TULP4: variants seen among roughly 807,000 people sequenced by gnomAD.
The protein encoded by TULP4 is TUB like protein 4.
A neutral mutation model predicts 129.0 loss-of-function variants in TULP4; 16 were observed. The observed-to-expected ratio is 0.12, with a 90% confidence interval of 0.08 to 0.19. The LOEUF is 0.19. TULP4 is among the 10% of genes least tolerant of loss of function. The probability of loss-of-function intolerance (pLI) is 1.00; values close to 1 mark genes in which losing one functional copy is unlikely to be tolerated. For missense variants in TULP4, 1,842 were observed against 2,059.1 expected (o/e 0.89, Z 2.04); for synonymous variants, 998 against 854.0 (o/e 1.17, Z -2.94).
intron 1 of TULP4, among the ~76,000 whole-genome samples, chr6:158,299,086 A>AGTTCTGGGT (rs945792637): frequency 6.6e-6 from 1 of 151,608 alleles, no homozygotes; most frequent in Non-Finnish European, 1.5e-5. Context: ...CAATTTCCAA[A>AGTTCTGGGT]GTTCTGGGTG....
chr6:158,275,562 A>G (rs1778630751), intron 1 of TULP4, among the ~76,000 whole-genome samples: 1 of 152,208 alleles, frequency 6.6e-6, no homozygotes, highest in Admixed American at 6.5e-5. Flanking sequence ...TGCCCATTCT[A>G]ACCCACGGCA....
In TULP4 at chr6:158,493,698, C is replaced by G. The variant is rs752381396; in HGVS notation, c.1757C>G (p.Pro586Arg). Residue 586 changes from proline (P) to arginine (R), a missense_variant, in exon 10 of 14, where the codon CCT becomes CGT. By Grantham distance (103) the Pro-to-Arg change is moderately radical (BLOSUM62 -2). Coordinates refer to ENST00000367097, the MANE Select transcript of TULP4 (RefSeq NM_020245.5). This position sits in a 1 kb window ranked among gnomAD's most constrained non-coding sequence, Gnocchi z 4.4. ...GSPSLTRREF[P>R]FEDITQHNYL... The stretch of plus-strand genomic sequence containing the variant: ...CCCAGCCTGACTCGGAGAGAGTTTC[C>G]TTTTGAAGACATCACTCAGGTAGGA... The G allele has an allele frequency of 1.3e-6, 2 of 1,581,102 alleles. No homozygotes were observed. Among genetic ancestry groups the G allele is most frequent in the Non-Finnish European group, 1.7e-6 (2 of 1,164,894 alleles).
intron 1 of TULP4, among the ~76,000 whole-genome samples, chr6:158,254,184 C>A: frequency 6.6e-6 from 1 of 152,032 alleles, no homozygotes; most frequent in Non-Finnish European, 1.5e-5. Context: ...GCTCTGTGGC[C>A]CAGGCTGGAG....
At chr6:158,372,519 T>TAA (rs2114882889) in intron 1 of TULP4, among the ~76,000 whole-genome samples, 1 of 152,270 alleles carries the variant, frequency 6.6e-6, no homozygotes, top group African/African-American at 2.4e-5. Flanking sequence ...TAAATTGAAT[T>TAA]AAATATCAAT....
Position 158,502,747 on chromosome 6 carries a change from G to A in TULP4, c.3084G>A (p.Ala1028=), listed in dbSNP as rs376905686. The part of the protein sequence containing the change: ...GPGGVVTQLP[A]RPPPALYTCS... ...GGGGGGTGGTGACACAGCTCCCAGC[G>A]CGGCCCCCACCTGCCCTGTACACCT... Residue 1028 remains alanine (A), a synonymous_variant, in exon 13 of 14, where the codon GCG becomes GCA. Coordinates refer to ENST00000367097, the MANE Select transcript of TULP4 (RefSeq NM_020245.5). 83 of 1,586,548 alleles carry A rather than the reference G, an allele frequency of 5.2e-5. No individual in the cohort carries two copies. The Middle Eastern group carries it at 3.3e-3, about 64-fold the overall frequency.
At chr6:158,240,371 C>G (rs868323784) in intron 1 of TULP4, among the ~76,000 whole-genome samples, 243 of 48,672 alleles carry the variant, frequency 5.0e-3, no homozygotes, top group Admixed American at 5.0e-3. Flanking sequence ...CCTCCCGGAC[C>G]GGGCGGCTGG....
At chr6:158,328,375 G>A (rs1179476340) in intron 1 of TULP4, among the ~76,000 whole-genome samples, 1 of 151,954 alleles carries the variant, frequency 6.6e-6, no homozygotes, top group Non-Finnish European at 1.5e-5. Flanking sequence ...TCTGCTAATT[G>A]ACAGAGCTGA....
In TULP4 at chr6:158,489,650, A is replaced by C. The variant is rs1299848842; in HGVS notation, c.1549A>C (p.Ser517Arg). ...CGACAGCTGCAACTGCTCAGACTCC[A>C]GTGACATTGAGCTGAGTGATGACTG... is the stretch of plus-strand genomic sequence containing the variant. The part of the protein sequence containing the change: ...VIDSCNCSDS[S>R]DIELSDDWAA... Residue 517 changes from serine to arginine, a missense_variant, in exon 9 of 14, where the codon AGT becomes CGT. By Grantham distance (110) the Ser-to-Arg change is moderately radical. Around this residue, in one of 5 missense-constraint regions of TULP4, gnomAD observed 456 missense variants for 534.3 expected, o/e 0.85. Transcript: ENST00000367097. 1.2e-6 allele frequency: 2 copies of C among 1,614,234 alleles called. No individual in the cohort carries two copies. The highest frequency in any genetic ancestry group is 1.7e-6 in the Non-Finnish European group (2 of 1,180,050).
chr6:158,401,085 TTTG>T (rs1425517991), intron 1 of TULP4, among the ~76,000 whole-genome samples: 121 of 147,242 alleles, frequency 8.2e-4, no homozygotes, highest in African/African-American at 3.0e-3. Context: ...TTGTTGTTGT[TTTG>T]TTGTTTTGAG....
chr6:158,482,587 G>A (rs1297855534), intron 8 of TULP4, among the ~76,000 whole-genome samples: 1 of 152,182 alleles, frequency 6.6e-6, no homozygotes. Flanking sequence ...GCATGTTCAC[G>A]TGGGAGGGAA....
rs372359302 is a variant in TULP4 at position 158,352,521 on chromosome 6, C to T, written c.252+38253C>T. ...AAGTGATTCTCCTGCGTCAGCCTCC[C>T]GAGTACCTGGGATTACAGGTGCCCA... is the stretch of plus-strand genomic sequence containing the variant. On this transcript the variant is annotated intron_variant, in intron 1 of 13. Transcript: ENST00000367097. Among the ~76,000 whole-genome samples, 39 of 152,248 alleles carry T rather than the reference C, an allele frequency of 2.6e-4. No homozygotes were observed. The South Asian group carries it at 3.7e-3, about 15-fold the overall frequency.
chr6:158,345,741 C>G (rs1780290532), intron 1 of TULP4, among the ~76,000 whole-genome samples: 2 of 152,184 alleles, frequency 1.3e-5, no homozygotes, highest in South Asian at 4.1e-4. Flanking sequence ...CACGTATTGT[C>G]TTGATAAACA....
intron 1 of TULP4, among the ~76,000 whole-genome samples, chr6:158,374,233 A>C (rs1028566641): frequency 7.3e-5 from 11 of 151,648 alleles, no homozygotes; most frequent in African/African-American, 2.7e-4. Flanking sequence ...CCTGCAGTGC[A>C]CTATGATTGC....
intron 3 of TULP4, among the ~76,000 whole-genome samples, chr6:158,431,922 G>C (rs1313554000): frequency 6.6e-6 from 1 of 151,956 alleles, no homozygotes; most frequent in African/African-American, 2.4e-5. Flanking sequence ...CCTGATGACT[G>C]CTTTTACTAA....
chr6:158,385,530 G>A (rs373853166), intron 1 of TULP4, among the ~76,000 whole-genome samples: 10 of 152,032 alleles, frequency 6.6e-5, no homozygotes, highest in African/African-American at 2.4e-4. Flanking sequence ...AGATTCTTCG[G>A]TGAAGTGGTG....
chr6:158,503,723 A>T lies in TULP4; in HGVS notation c.4060A>T (p.Thr1354Ser). 1 of 1,614,108 alleles carries T rather than the reference A, an allele frequency of 6.2e-7. No individual in the cohort carries two copies. Among genetic ancestry groups the T allele is most frequent in the South Asian group, 1.1e-5 (1 of 91,084 alleles). The part of the protein sequence containing the change: ...RAEEGSVQAI[T>S]EGKVKKEART... ...AGAAGAAGGCAGCGTTCAGGCCATCACTGAGGGCAAAGTGAAGAAGGAGGC... is the reference window on the plus strand; with the variant it reads ...AGAAGAAGGCAGCGTTCAGGCCATCTCTGAGGGCAAAGTGAAGAAGGAGGC... Residue 1354 changes from threonine to serine, a missense_variant, in exon 13 of 14, where the codon ACT (threonine) becomes TCT (serine). By Grantham distance (58) the Thr-to-Ser change is moderately conservative. Around this residue, in one of 5 missense-constraint regions of TULP4, gnomAD observed 1,089 missense variants for 987.1 expected, o/e 1.10. Coordinates refer to ENST00000367097, the MANE Select transcript of TULP4 (RefSeq NM_020245.5). The surrounding 1 kb of genome is among the most constrained non-coding windows in gnomAD (Gnocchi z 4.3).
chr6:158,429,338 C>T (rs1455603353), intron 2 of TULP4, among the ~76,000 whole-genome samples: 1 of 152,244 alleles, frequency 6.6e-6, no homozygotes, highest in Non-Finnish European at 1.5e-5. Context: ...GGGGTTTCAC[C>T]ATGTTAACCA....
chr6:158,448,839 T>C (rs1006192760), intron 3 of TULP4, among the ~76,000 whole-genome samples, 157 bp from the exon 4 acceptor site: 2 of 152,234 alleles, frequency 1.3e-5, no homozygotes, highest in Non-Finnish European at 2.9e-5. Context: ...CAGCAGAGGT[T>C]CTACTTAACA....
At chr6:158,260,212 C>G (rs1358150339) in intron 1 of TULP4, among the ~76,000 whole-genome samples, 2 of 152,200 alleles carry the variant, frequency 1.3e-5, no homozygotes, top group Non-Finnish European at 2.9e-5. Flanking sequence ...TGACTCTTCA[C>G]AGATAACAAA....
Sources: allele counts gnomAD v4.1 joint callset (sites outside exome capture counted in the v4.1 genomes callset), GRCh38; gene constraint gnomAD v4.1.1; regional missense constraint gnomAD v4.1.1; non-coding constraint Gnocchi (gnomAD v3.1); transcripts MANE v1.5; gene names NCBI Gene and HGNC (gene_info 2026-07-23, HGNC 2026-07-21).